The following ATXN1 variants were observed in gnomAD, a reference collection of about 807,000 sequenced individuals.
ATXN1 encodes ataxin-1.
Under a neutral mutation model 56.4 loss-of-function variants are expected in ATXN1, and 8 were observed. That is an observed-to-expected ratio of 0.14 (90% confidence interval 0.08 to 0.26). The LOEUF is 0.26. Among genes scored for constraint, ATXN1 ranks in the 10% least tolerant of loss-of-function variants. The pLI is 1.00. For synonymous variants in ATXN1, 514 were observed against 494.6 expected (o/e 1.04, Z -0.52); for missense variants, 987 against 1,106.5 (o/e 0.89, Z 1.53).
At chr6:16,463,798 G>T (rs893914418) in intron 6 of ATXN1, among the ~76,000 whole-genome samples, 1 of 152,186 alleles carries the variant, frequency 6.6e-6, no homozygotes, top group African/African-American at 2.4e-5. Context: ...TACGTCCCAT[G>T]ACAGCCATCT....
chr6:16,498,598 TC>T (rs1760821387), intron 5 of ATXN1, among the ~76,000 whole-genome samples: 2 of 152,192 alleles, frequency 1.3e-5, no homozygotes, highest in African/African-American at 2.4e-5. Flanking sequence ...CATACTACAT[TC>T]CCACCAGCCA....
At chr6:16,704,164 C>T (rs780229894) in intron 2 of ATXN1, among the ~76,000 whole-genome samples, 11 of 152,170 alleles carry the variant, frequency 7.2e-5, no homozygotes, top group South Asian at 6.2e-4. Flanking sequence ...TTTGGAGGTG[C>T]GCACTGAGTT....
chr6:16,374,859 TAC>T, intron 6 of ATXN1, among the ~76,000 whole-genome samples: 1 of 152,344 alleles, frequency 6.6e-6, no homozygotes, highest in Non-Finnish European at 1.5e-5. Context: ...CACGCATTCT[TAC>T]AGTTTTCCAA....
intron 3 of ATXN1, among the ~76,000 whole-genome samples, chr6:16,612,677 G>C (rs1393399448): frequency 6.6e-6 from 1 of 151,866 alleles, no homozygotes; most frequent in Non-Finnish European, 1.5e-5. Context: ...CAGATCACGA[G>C]GTCAAGAGAT....
At chr6:16,352,386 G>C (rs756478443) in intron 6 of ATXN1, among the ~76,000 whole-genome samples, 7 of 152,334 alleles carry the variant, frequency 4.6e-5, no homozygotes, top group Non-Finnish European at 7.4e-5. Context: ...TAATGCCTTA[G>C]ATGGGTGGGT....
chr6:16,740,525 C>A (rs181138917), intron 2 of ATXN1, among the ~76,000 whole-genome samples: 302 of 152,208 alleles, frequency 2.0e-3, no homozygotes, highest in Non-Finnish European at 3.6e-3. Context: ...TATATGAGAT[C>A]AATTTGATTT....
At chr6:16,568,914 G>C (rs1762279371) in intron 4 of ATXN1, among the ~76,000 whole-genome samples, 1 of 152,084 alleles carries the variant, frequency 6.6e-6, no homozygotes, top group South Asian at 2.1e-4. Context: ...CCAAGCTCTG[G>C]GTATACACAC....
chr6:16,745,061 T>A (rs1760477158), intron 2 of ATXN1, among the ~76,000 whole-genome samples: 1 of 152,162 alleles, frequency 6.6e-6, no homozygotes, highest in Non-Finnish European at 1.5e-5. Flanking sequence ...AAATGTTCCA[T>A]CTCTGAGAGG....
At chr6:16,437,450 A>T (rs1357763124) in intron 6 of ATXN1, among the ~76,000 whole-genome samples, 1 of 152,216 alleles carries the variant, frequency 6.6e-6, no homozygotes, top group Non-Finnish European at 1.5e-5. Context: ...TCTTCCCCTG[A>T]TGTTTCTGCT....
intron 4 of ATXN1, among the ~76,000 whole-genome samples, chr6:16,555,168 T>G (rs1478176100): frequency 6.6e-6 from 1 of 152,180 alleles, no homozygotes; most frequent in African/African-American, 2.4e-5. Context: ...AACCATCATC[T>G]CGGAGGTCTT....
At chr6:16,607,924 T>C (rs556335217) in intron 3 of ATXN1, among the ~76,000 whole-genome samples, 1 of 152,292 alleles carries the variant, frequency 6.6e-6, no homozygotes, top group African/African-American at 2.4e-5. Flanking sequence ...GGTGAGACAA[T>C]AGGATTCTAC....
chr6:16,370,522 TA>T (rs1184332525), intron 6 of ATXN1, among the ~76,000 whole-genome samples: 1 of 152,200 alleles, frequency 6.6e-6, no homozygotes, highest in African/African-American at 2.4e-5. Flanking sequence ...ACAACTAAGA[TA>T]GCTTTTTTCT....
intron 3 of ATXN1, among the ~76,000 whole-genome samples, chr6:16,597,600 G>A (rs1037775118): frequency 1.7e-4 from 26 of 151,972 alleles, no homozygotes; most frequent in Admixed American, 3.9e-4. Flanking sequence ...CACCACACTT[G>A]GCTATTTTTT....
intron 6 of ATXN1, among the ~76,000 whole-genome samples, chr6:16,425,345 T>C (rs762054161): frequency 7.2e-5 from 11 of 152,222 alleles, no homozygotes; most frequent in Non-Finnish European, 1.5e-4. Flanking sequence ...AAAATGCCTT[T>C]CGGTAAAGGA....
At chr6:16,388,942 T>C (rs1314594708) in intron 6 of ATXN1, among the ~76,000 whole-genome samples, 2 of 152,216 alleles carry the variant, frequency 1.3e-5, no homozygotes, top group Non-Finnish European at 2.9e-5. Flanking sequence ...GACTTTCTAT[T>C]TTACTTTGTT....
At chr6:16,716,580 G>T (rs1374321820) in intron 2 of ATXN1, among the ~76,000 whole-genome samples, 1 of 152,134 alleles carries the variant, frequency 6.6e-6, no homozygotes. Flanking sequence ...AGGGCTTCTA[G>T]TTCTTCCCTG....
chr6:16,391,804 A>G (rs949037724), intron 6 of ATXN1, among the ~76,000 whole-genome samples: 5 of 151,910 alleles, frequency 3.3e-5, no homozygotes, highest in African/African-American at 4.8e-5. Flanking sequence ...TTTGTTGTGG[A>G]CTCCAGGCCT....
intron 2 of ATXN1, among the ~76,000 whole-genome samples, chr6:16,714,858 G>A (rs16878879): frequency 0.043 from 6,602 of 152,150 alleles, 484 homozygotes; most frequent in African/African-American, 0.15. Context: ...GTTACGGGGC[G>A]TGGAATTTGC....
At chr6:16,743,989 G>C (rs1409560334) in intron 2 of ATXN1, among the ~76,000 whole-genome samples, 1 of 152,158 alleles carries the variant, frequency 6.6e-6, no homozygotes, top group African/African-American at 2.4e-5. Context: ...TGAGAACCCA[G>C]GGAGGGAGTT....
Sources: allele counts gnomAD v4.1 joint callset (sites outside exome capture counted in the v4.1 genomes callset), GRCh38; gene constraint gnomAD v4.1.1; transcripts MANE v1.5; gene names NCBI Gene and HGNC (gene_info 2026-07-23, HGNC 2026-07-21).